Variants in DDX41 observed in about 807,000 individuals in gnomAD.
The protein encoded by DDX41 is probable ATP-dependent RNA helicase DDX41.
A neutral mutation model predicts 78.8 loss-of-function variants in DDX41; 50 were observed. The observed-to-expected ratio is 0.63, with a 90% CI of 0.51 to 0.80. The LOEUF is 0.80. DDX41 is among the 30% of genes least tolerant of loss of function. DDX41 has a pLI of 0.00. For synonymous variants in DDX41, 381 were observed against 321.5 expected, an observed-to-expected ratio of 1.19 and a Z score of -1.98; for missense variants, 633 against 849.2, an observed-to-expected ratio of 0.75 and a Z score of 3.16.
chr5:177,513,118 A>C lies in DDX41; in HGVS notation c.1231-36T>G. On this transcript the variant is annotated intron_variant, in intron 11 of 16. Coordinates refer to ENST00000330503, the MANE Select transcript of DDX41 (RefSeq NM_016222.4). The surrounding 1 kb of genome is among the most constrained non-coding windows in gnomAD (Gnocchi z 4.6). ...AAAGATCAGGTCAGGTGATCTTGAG[A>C]TTAGGCTTACCCGCCACAGCCCTGC... The C allele has an allele frequency of 6.3e-7, 1 of 1,587,820 alleles. No homozygotes were observed. Among genetic ancestry groups the C allele is most frequent in the South Asian group, 1.2e-5 (1 of 86,370 alleles).
In DDX41 at chr5:177,516,364, C is replaced by T. The variant is rs147065982; in HGVS notation, c.222G>A (p.Glu74=). ...ACTGAGGGCCTAGCGGGATGTCGTC[C>T]TCATCTCCCCGGGGTTCACTACCGC... ...QDSGSEPRGD[E]DDIPLGPQSN... Residue 74 remains glutamate, a synonymous_variant, in exon 3 of 17, where the codon GAG becomes GAA. Coordinates refer to ENST00000330503, the MANE Select transcript of DDX41 (RefSeq NM_016222.4). The T allele has an allele frequency of 6.2e-7, 1 of 1,614,100 alleles. No individual in the cohort carries two copies. The highest frequency in any genetic ancestry group is 1.1e-5 in the South Asian group (1 of 91,086).
rs2127437307 is a variant in DDX41, at chr5:177,515,249, C to T, written c.581G>A (p.Arg194Lys). The change falls in exon 7 of 17, where the codon AGA becomes AAA. Residue 194 changes from arginine (R) to lysine (K), a missense_variant. Transcript: ENST00000330503. ...KEMKFPAAIL[R>K]GLKKKGIHHP... is the part of the protein sequence containing the mutation. Reference sequence around the variant, plus strand: ...GTGAATGCCTTTCTTCTTCAGGCCTCTCAGGATGGCTATGAAAACCAACCG... The same window carrying T: ...GTGAATGCCTTTCTTCTTCAGGCCTTTCAGGATGGCTATGAAAACCAACCG... The T allele has an allele frequency of 6.2e-7, 1 of 1,614,010 alleles. No individual in the cohort carries two copies. The highest frequency in any genetic ancestry group is 2.2e-5 in the East Asian group (1 of 44,886).
intron 1 of DDX41, 23 bp from the exon 2 acceptor site, chr5:177,516,858 C>G (rs561627128): frequency 1.6e-5 from 26 of 1,613,020 alleles, no homozygotes; most frequent in East Asian, 2.2e-5. Flanking sequence ...GCCAGTCAGG[C>G]ACGGCCTGCT....
At position 177,513,504 on chromosome 5, in the gene DDX41, C is replaced by A. The variant is rs763708504; in HGVS notation, c.1099-20G>T. Reference sequence around the variant, plus strand: ...CTGGCCCTGAGGAAGAGGGGGGCTGCGACCAAGGGCACACAGGGCTGGGCT... The same window carrying A: ...CTGGCCCTGAGGAAGAGGGGGGCTGAGACCAAGGGCACACAGGGCTGGGCT... On this transcript the variant is annotated intron_variant, in intron 10 of 16. Coordinates refer to ENST00000330503, the MANE Select transcript of DDX41 (RefSeq NM_016222.4). This position sits in a 1 kb window ranked among gnomAD's most constrained non-coding sequence, Gnocchi z 4.6. 3 of 1,613,924 alleles carry A rather than the reference C, an allele frequency of 1.9e-6. No homozygotes were observed. The highest frequency in any genetic ancestry group is 2.5e-6 in the Non-Finnish European group (3 of 1,179,986).
intron 6 of DDX41, 96 bp downstream of exon 6, chr5:177,515,589 C>A: frequency 6.8e-7 from 1 of 1,463,908 alleles, no homozygotes; most frequent in Non-Finnish European, 9.4e-7. Flanking sequence ...GTGACTGGAT[C>A]CAATGCAGAT....
rs1296077073 is a variant in DDX41, at chr5:177,511,797, G to A, written c.1863C>T (p.Asp621=). Residue 621 remains aspartate (D), a synonymous_variant, in exon 17 of 17, where the codon GAC becomes GAT. Coordinates refer to ENST00000330503, the MANE Select transcript of DDX41 (RefSeq NM_016222.4). The part of the protein sequence containing the change: ...RKDYLAHSSM[D]F ...AGAAGGGAAGACTGTCGGCTCAGAA[G>A]TCCATGGAGCTGTGGGCCAGGTAGT... 1 of 1,614,130 alleles carries A rather than the reference G, an allele frequency of 6.2e-7. No homozygotes were observed. The highest frequency in any genetic ancestry group is 8.5e-7 in the Non-Finnish European group (1 of 1,180,002).
chr5:177,513,831 C>A lies in DDX41; in HGVS notation c.952G>T (p.Val318Leu), dbSNP rs758175653. ...ETIRHGVHMMVATPGRLMDLL... is the reference protein window; with the variant it reads ...ETIRHGVHMMLATPGRLMDLL... ...TCCATGAGGCGCCCCGGGGTGGCCA[C>A]CATCATGTGTACACCGCTGGGGACC... Residue 318 changes from valine to leucine, a missense_variant, in exon 10 of 17, where the codon GTG (valine) becomes TTG (leucine). Val to Leu is a conservative substitution (Grantham distance 32). This residue lies in a region of DDX41 where 151 missense variants were observed against 169.2 expected (regional missense o/e 0.89). Transcript: ENST00000330503. The surrounding 1 kb of genome is among the most constrained non-coding windows in gnomAD (Gnocchi z 4.6). The A allele has an allele frequency of 2.5e-5, 41 of 1,613,524 alleles. No individual in the cohort carries two copies. Among genetic ancestry groups the A allele is most frequent in the Non-Finnish European group, 3.5e-5 (41 of 1,180,002 alleles).
intron 7 of DDX41, 46 bp from the exon 8 acceptor site, chr5:177,515,115 A>T (rs376574336): frequency 4.3e-6 from 7 of 1,612,084 alleles, no homozygotes; most frequent in Non-Finnish European, 5.9e-6. Context: ...CAGAAGATGA[A>T]GGACACCTAG....
rs1430889723 is a variant in DDX41, at chr5:177,514,763, G to A, written c.873C>T (p.Leu291=). The A allele has an allele frequency of 1.9e-6, 3 of 1,612,944 alleles. No individual in the cohort carries two copies. The highest frequency in any genetic ancestry group is 2.5e-6 in the Non-Finnish European group (3 of 1,179,964). ...CCCCAATGCAGAGGGCGCAGCGCAG[G>A]AGTGGTGAGCTGTCCTCCTGCAGCA... The part of the protein sequence containing the change: ...CRLLQEDSSP[L]LRCALCIGGM... The change falls in exon 9 of 17, where the codon CTC becomes CTT. Residue 291 remains leucine, a synonymous_variant. Transcript: ENST00000330503. This position sits in a 1 kb window ranked among gnomAD's most constrained non-coding sequence, Gnocchi z 4.2.
chr5:177,512,442 C>A (rs749412782), intron 14 of DDX41, 49 bp from the exon 15 acceptor site: 5 of 1,614,082 alleles, frequency 3.1e-6, no homozygotes, highest in Admixed American at 3.3e-5. Flanking sequence ...ACACTAGGGG[C>A]CTGGCTTGGC....
rs116110377 is a variant in DDX41 at position 177,512,417 on chromosome 5, C to G, written c.1550-24G>C. ...TACTGCAGAGAGAAGGACAGAGTCT[C>G]TGGCCCATCGCTGGACACTAGGGGC... On this transcript the variant is annotated intron_variant, in intron 14 of 16. Transcript: ENST00000330503. The G allele has an allele frequency of 7.1e-4, 1,145 of 1,614,130 alleles. 6 individuals are homozygous for G. The African/African-American group carries it at 0.013, about 18-fold the overall frequency.
rs757449267 is a variant in DDX41 at position 177,512,574 on chromosome 5, C to T, written c.1471G>A (p.Val491Ile). ...GKKDVLVATD[V>I]ASKGLDFPAI... ...GGGAAGTCCAGGCCCTTGGAGGCAA[C>T]GTCTGTGGCTACTAGGACATCCTTC... Residue 491 changes from valine (V) to isoleucine (I), a missense_variant, in exon 14 of 17, where the codon GTT becomes ATT. Physicochemically the swap from Val to Ile is conservative, Grantham distance 29 (BLOSUM62 3). This residue lies in a region of DDX41 where 185 missense variants were observed against 367.4 expected (regional missense o/e 0.50). Transcript: ENST00000330503. The T allele has an allele frequency of 2.9e-5, 47 of 1,614,056 alleles. No individual in the cohort carries two copies. Among genetic ancestry groups the T allele is most frequent in the Non-Finnish European group, 3.0e-5 (35 of 1,180,032 alleles).
At chr5:177,515,843 CA>C (rs748399184) in intron 5 of DDX41, 22 bp from the exon 6 acceptor site, 1 of 1,614,152 alleles carries the variant, frequency 6.2e-7, no homozygotes, top group South Asian at 1.1e-5. Context: ...TAACAGGGAT[CA>C]AGAGAGCCCT....
chr5:177,515,123 T>A, intron 7 of DDX41, 54 bp from the exon 8 acceptor site: 3 of 1,613,314 alleles, frequency 1.9e-6, no homozygotes, highest in Non-Finnish European at 2.5e-6. Context: ...GAAGGACACC[T>A]AGCCATTGCT....
chr5:177,511,607 T>C lies in DDX41; in HGVS notation c.*184A>G. On this transcript the variant is annotated 3_prime_UTR_variant, in exon 17 of 17. Transcript: ENST00000330503. ...TAGAGGTTTGGGCTTTAATGGCAGC[T>C]GGGGTAAAAGGAAACAAAAACAGTA... is the stretch of plus-strand genomic sequence containing the variant. The C allele has an allele frequency of 2.5e-6, 2 of 802,110 alleles. No homozygotes were observed. The highest frequency in any genetic ancestry group is 3.9e-6 in the Non-Finnish European group (2 of 518,110). The allele number at this position is 802,110 out of a possible 1,614,324, so 49.7% of individuals were successfully genotyped here.
Position 177,511,831 on chromosome 5 carries a change from C to A in DDX41, c.1829G>T (p.Gly610Val), listed in dbSNP as rs773727212. Residue 610 changes from glycine (G) to valine (V), a missense_variant, in exon 17 of 17, where the codon GGT (glycine) becomes GTT (valine). Coordinates refer to ENST00000330503, the MANE Select transcript of DDX41 (RefSeq NM_016222.4). Reference sequence around the variant, plus strand: ...GCTGTGGGCCAGGTAGTCCTTGCGACCGATGTTGCTGACCTGCTTGGTCTG... The same window carrying A: ...GCTGTGGGCCAGGTAGTCCTTGCGAACGATGTTGCTGACCTGCTTGGTCTG... ...AMQTKQVSNI[G>V]RKDYLAHSSM... is the part of the protein sequence containing the mutation. 6.2e-7 allele frequency: 1 copy of A among 1,614,142 alleles called. No individual in the cohort carries two copies. Among genetic ancestry groups the A allele is most frequent in the South Asian group, 1.1e-5 (1 of 91,086 alleles).
rs1233260523 is a variant in DDX41, at chr5:177,514,354, A to G, written c.935+347T>C. 6.5e-6 allele frequency: 3 copies of G among 459,968 alleles called. No homozygotes were observed. In the Admixed American group the frequency reaches 8.8e-5, roughly 14 times the overall value. 28.5% of individuals were successfully genotyped at this position (459,968 alleles called of 1,614,324 possible). On this transcript the variant is annotated intron_variant, in intron 9 of 16. Transcript: ENST00000330503. The surrounding 1 kb of genome is among the most constrained non-coding windows in gnomAD (Gnocchi z 4.2). ...AGTGCCTCAACCTCCTTGACTGACC[A>G]CTGAATGACCCTGACCTTCCTGGGC...
chr5:177,515,099 T>G, intron 7 of DDX41, 30 bp from the exon 8 acceptor site: 1 of 1,611,708 alleles, frequency 6.2e-7, no homozygotes, highest in Non-Finnish European at 8.5e-7. Flanking sequence ...CGAGGGCCAA[T>G]TTCAACAGAA....
At position 177,512,811 on chromosome 5, in the gene DDX41, C is replaced by T; in HGVS notation, c.1368G>A (p.Gly456=). ...DAIHEYLLLK[G]VEAVAIHGGK... ...CCCCATGGATGGCTACGGCCTCAACCCCCTTGAGCAGCAGGTACTCGTGGA... is the reference window on the plus strand; with the variant it reads ...CCCCATGGATGGCTACGGCCTCAACTCCCTTGAGCAGCAGGTACTCGTGGA... Residue 456 remains glycine, a synonymous_variant, in exon 13 of 17, where the codon GGG becomes GGA. Coordinates refer to ENST00000330503, the MANE Select transcript of DDX41 (RefSeq NM_016222.4). The T allele has an allele frequency of 6.2e-7, 1 of 1,614,160 alleles. No individual in the cohort carries two copies. Among genetic ancestry groups the T allele is most frequent in the Non-Finnish European group, 8.5e-7 (1 of 1,180,024 alleles).
Sources: gnomAD v4.1 joint callset for allele counts on GRCh38, gnomAD v4.1.1 for gene constraint, gnomAD v4.1.1 regional missense constraint, Gnocchi (gnomAD v3.1) non-coding constraint, MANE v1.5 for transcripts, NCBI Gene and HGNC (gene_info 2026-07-23, HGNC 2026-07-21) for gene names.